SOHLH2: variants seen among roughly 807,000 people sequenced by gnomAD.
SOHLH2 encodes the protein spermatogenesis- and oogenesis-specific basic helix-loop-helix-containing protein 2.
A neutral mutation model predicts 50.4 loss-of-function variants in SOHLH2; 22 were observed. The observed-to-expected ratio is 0.44, with a 90% CI of 0.31 to 0.62. The LOEUF is 0.62. Ranked by LOEUF, SOHLH2 falls within the 20% of genes least tolerant of loss-of-function variation. The pLI is 0.08. For missense variants in SOHLH2, 412 were observed against 504.4 expected, an observed-to-expected ratio of 0.82 and a Z score of 1.76; for synonymous variants, 185 against 187.3, an observed-to-expected ratio of 0.99 and a Z score of 0.10.
At chr13:36,194,291 T>C (rs1174437262) in intron 2 of SOHLH2, among the ~76,000 whole-genome samples, 3 of 151,716 alleles carry the variant, frequency 2.0e-5, no homozygotes, top group Non-Finnish European at 2.9e-5. Context: ...AAACTCACAG[T>C]TTAAAAAAAA....
At chr13:36,169,465 T>C (rs1186948186) in intron 10 of SOHLH2, among the ~76,000 whole-genome samples, 1 of 152,206 alleles carries the variant, frequency 6.6e-6, no homozygotes, top group Non-Finnish European at 1.5e-5. Context: ...TATTCCCATT[T>C]TATAGATGTC....
At chr13:36,205,320 T>C (rs1868688004) in intron 1 of SOHLH2, among the ~76,000 whole-genome samples, 1 of 152,252 alleles carries the variant, frequency 6.6e-6, no homozygotes, top group Non-Finnish European at 1.5e-5. Flanking sequence ...GGAGTGACAG[T>C]AGGTGTTCCT....
chr13:36,203,392 CA>C (rs1162734701), intron 1 of SOHLH2, among the ~76,000 whole-genome samples: 2 of 152,128 alleles, frequency 1.3e-5, no homozygotes, highest in African/African-American at 4.8e-5. Flanking sequence ...TTGTTGGGAT[CA>C]GGGGTAAATG....
intron 1 of SOHLH2, among the ~76,000 whole-genome samples, chr13:36,208,922 G>T (rs759724777): frequency 6.6e-6 from 1 of 152,138 alleles, no homozygotes; most frequent in Non-Finnish European, 1.5e-5. Context: ...AAGCTGCTTC[G>T]TTCCTTTGGA....
At chr13:36,191,450 G>A (rs964590774) in intron 5 of SOHLH2, among the ~76,000 whole-genome samples, 2 of 152,100 alleles carry the variant, frequency 1.3e-5, no homozygotes, top group Non-Finnish European at 1.5e-5. Flanking sequence ...AAATATTGGG[G>A]TTCCATGTAA....
In SOHLH2 at chr13:36,170,239, G is replaced by A. The variant is rs545615987; in HGVS notation, c.1257+292C>T. Among the ~76,000 whole-genome samples, 5 of 152,280 alleles carry A rather than the reference G, an allele frequency of 3.3e-5. No homozygotes were observed. In the South Asian group the frequency reaches 1.0e-3, roughly 32 times the overall value. ...TGTGGAAGCTCTGAGTAGAAGCAGA[G>A]GGGTGGGCAATCAGTGCTAGGGGAG... On this transcript the variant is annotated intron_variant, in intron 10 of 10. Transcript: ENST00000379881.
intron 6 of SOHLH2, among the ~76,000 whole-genome samples, chr13:36,177,109 T>C (rs1887115560): frequency 6.6e-6 from 1 of 152,102 alleles, no homozygotes; most frequent in African/African-American, 2.4e-5. Context: ...ACAATTCTAG[T>C]ATTTTTTTTC....
intron 6 of SOHLH2, among the ~76,000 whole-genome samples, chr13:36,181,208 C>T (rs914507406): frequency 4.6e-5 from 7 of 151,996 alleles, no homozygotes; most frequent in Non-Finnish European, 8.8e-5. Context: ...TTCCTGTTTC[C>T]ACAATGGATA....
At chr13:36,204,568 C>T (rs1868639478) in intron 1 of SOHLH2, among the ~76,000 whole-genome samples, 1 of 152,032 alleles carries the variant, frequency 6.6e-6, no homozygotes, top group Non-Finnish European at 1.5e-5. Context: ...TTTTCAAGAG[C>T]GAAGTTTTCA....
At chr13:36,213,437 G>T (rs1282538290) in intron 1 of SOHLH2, among the ~76,000 whole-genome samples, 1 of 152,108 alleles carries the variant, frequency 6.6e-6, no homozygotes, top group Admixed American at 6.5e-5. Context: ...AGTTTGCAGA[G>T]CATTCTAAGA....
chr13:36,202,687 T>C (rs1868497984), intron 1 of SOHLH2, among the ~76,000 whole-genome samples: 1 of 152,220 alleles, frequency 6.6e-6, no homozygotes, highest in African/African-American at 2.4e-5. Context: ...TCATGTTTTA[T>C]TTCTGTATGT....
At position 36,212,001 on chromosome 13, in the gene SOHLH2, TCTGA is replaced by T. The variant is rs1486333036; in HGVS notation, c.48+2474_48+2477del. Among the ~76,000 whole-genome samples, 3 of 152,288 alleles carry T rather than the reference TCTGA, an allele frequency of 2.0e-5. No individual in the cohort carries two copies. The East Asian group carries it at 5.8e-4, about 29-fold the overall frequency. On this transcript the variant is annotated intron_variant, in intron 1 of 10. Transcript: ENST00000379881. Reference sequence around the variant, plus strand: ...CCTTTCCCTAGCTAGCACATGGCATTCTGACTGCACTATCCTCCCCTTAGAGGCT... The same window carrying T: ...CCTTTCCCTAGCTAGCACATGGCATTCTGCACTATCCTCCCCTTAGAGGCT...
chr13:36,173,928 T>C, intron 8 of SOHLH2, 118 bp from the exon 9 acceptor site: 1 of 1,171,512 alleles, frequency 8.5e-7, no homozygotes, highest in Non-Finnish European at 1.2e-6. Context: ...GCCTCAACTA[T>C]GGATTATTTA....
intron 6 of SOHLH2, among the ~76,000 whole-genome samples, chr13:36,175,936 G>A (rs1015594161): frequency 5.3e-5 from 8 of 152,114 alleles, no homozygotes; most frequent in African/African-American, 1.4e-4. Flanking sequence ...ACAAGGATCC[G>A]TCCTGAGGAG....
rs533122269 is a variant in SOHLH2, at chr13:36,213,567, G to A, written c.48+912C>T. Among the ~76,000 whole-genome samples the A allele has an allele frequency of 5.9e-5, 9 of 152,260 alleles. No individual in the cohort carries two copies. In the East Asian group the frequency reaches 1.7e-3, roughly 29 times the overall value. On this transcript the variant is annotated intron_variant, in intron 1 of 10. Coordinates refer to ENST00000379881, the MANE Select transcript of SOHLH2 (RefSeq NM_017826.3). Reference sequence around the variant, plus strand: ...TTGCTTTCTGGCGTGGGGAGGTTTCGCCTACGCTTTCCTCCTAGTGGGGTA... The same window carrying A: ...TTGCTTTCTGGCGTGGGGAGGTTTCACCTACGCTTTCCTCCTAGTGGGGTA...
chr13:36,181,126 C>T (rs1038812526), intron 6 of SOHLH2, among the ~76,000 whole-genome samples: 1 of 152,146 alleles, frequency 6.6e-6, no homozygotes, highest in African/African-American at 2.4e-5. Context: ...CCCCTCTTTA[C>T]CGCAGGTAAT....
At chr13:36,198,842 G>A (rs1242097952) in intron 2 of SOHLH2, among the ~76,000 whole-genome samples, 2 of 152,078 alleles carry the variant, frequency 1.3e-5, no homozygotes, top group Non-Finnish European at 2.9e-5. Context: ...CTCTAATACT[G>A]AACATATATA....
At position 36,174,511 on chromosome 13, in the gene SOHLH2, A is replaced by G; in HGVS notation, c.846T>C (p.Ile282=). The G allele has an allele frequency of 6.2e-7, 1 of 1,614,130 alleles. No individual in the cohort carries two copies. The highest frequency in any genetic ancestry group is 8.5e-7 in the Non-Finnish European group (1 of 1,179,980). Residue 282 remains isoleucine (I), a synonymous_variant, in exon 8 of 11, where the codon ATT becomes ATC. Coordinates refer to ENST00000379881, the MANE Select transcript of SOHLH2 (RefSeq NM_017826.3). ...TGACAGTGCCTGGGAGAGACAGCTC[A>G]ATGGGTGTTTGTTGTTTCTTACAAA... ...MRFCKKQQTP[I]ELSLPGTVMA...
At chr13:36,172,512 G>C (rs1328640) in intron 9 of SOHLH2, among the ~76,000 whole-genome samples, 90,672 of 152,050 alleles carry the variant, frequency 0.6, 27,206 homozygotes, top group East Asian at 0.7. Context: ...TAGACACTAT[G>C]CTGCATAACC....
Sources: allele counts gnomAD v4.1 joint callset (sites outside exome capture counted in the v4.1 genomes callset), GRCh38; gene constraint gnomAD v4.1.1; transcripts MANE v1.5; gene names NCBI Gene and HGNC (gene_info 2026-07-23, HGNC 2026-07-21).